NRAP: variants seen among roughly 807,000 people sequenced by gnomAD.
NRAP encodes the protein nebulin related anchoring protein.
A neutral mutation model predicts 225.9 loss-of-function variants in NRAP; 189 were observed. That is an observed-to-expected ratio of 0.84 (90% CI 0.74 to 0.94). The LOEUF (loss-of-function observed/expected upper bound fraction) is 0.94, where lower values mean the gene tolerates loss of function less well. NRAP is among the 40% of genes least tolerant of loss of function. The pLI is 0.00. For missense variants in NRAP, 2,176 were observed against 2,168.7 expected, an observed-to-expected ratio of 1.00 and a Z score of -0.07; for synonymous variants, 769 against 790.7, an observed-to-expected ratio of 0.97 and a Z score of 0.46.
chr10:113,623,912 G>A (rs1166856154), intron 22 of NRAP, among the ~76,000 whole-genome samples: 1 of 152,108 alleles, frequency 6.6e-6, no homozygotes, highest in African/African-American at 2.4e-5. Flanking sequence ...TCAAAAACAT[G>A]CCAAAGGCAG....
At chr10:113,639,091 CAAAAAAAAAAAAAAAA>C (rs60509891) in intron 14 of NRAP, among the ~76,000 whole-genome samples, 2 of 115,802 alleles carry the variant, frequency 1.7e-5, no homozygotes, top group East Asian at 4.8e-4. Context: ...ATGTATATAG[CAAAAAAAAAAAAAAAA>C]AAAAAAAAAT....
intron 37 of NRAP, 131 bp from the exon 38 acceptor site, chr10:113,595,858 C>T (rs1846260932): frequency 3.6e-6 from 2 of 555,230 alleles, no homozygotes; most frequent in Admixed American, 3.3e-5. Flanking sequence ...CAGTCCTGCC[C>T]ATGGACAGTG....
intron 29 of NRAP, among the ~76,000 whole-genome samples, chr10:113,613,382 C>A (rs1847447443): frequency 6.6e-6 from 1 of 152,144 alleles, no homozygotes; most frequent in Admixed American, 6.5e-5. Flanking sequence ...ATGTAGCTGA[C>A]CTTGGACAAG....
chr10:113,636,501 C>A (rs1404346527), intron 14 of NRAP, among the ~76,000 whole-genome samples: 2 of 152,136 alleles, frequency 1.3e-5, no homozygotes, highest in Admixed American at 6.5e-5. Context: ...GGTACAAGTC[C>A]AATGCTTGGC....
In NRAP at chr10:113,631,598, CT is replaced by C; in HGVS notation, c.1752del (p.Glu585LysfsTer27). Reference sequence around the variant, plus strand: ...TTGCCTTTTGTCTTTTCATATTCTTCTTTATATTTAATCTTGAGAGAAAGAA... The same window carrying C: ...TTGCCTTTTGTCTTTTCATATTCTTCTTATATTTAATCTTGAGAGAAAGAA... ...SGELASNIKY[K>X]EEYEKTKGKA... is the part of the protein sequence containing the mutation. On this transcript the variant is annotated frameshift_variant, in exon 18 of 42. Coordinates refer to ENST00000359988, the MANE Select transcript of NRAP (RefSeq NM_198060.4). LOFTEE classifies it high-confidence loss of function. The C allele has an allele frequency of 6.2e-7, 1 of 1,605,174 alleles. No homozygotes were observed.
chr10:113,606,891 C>A (rs1454148686), intron 32 of NRAP, among the ~76,000 whole-genome samples: 1 of 151,866 alleles, frequency 6.6e-6, no homozygotes, highest in African/African-American at 2.4e-5. Flanking sequence ...CATGGTGAAA[C>A]CTCGTCTCTA....
In NRAP at chr10:113,652,929, A is replaced by T; in HGVS notation, c.570+6T>A. 6 of 1,602,282 alleles carry T rather than the reference A, an allele frequency of 3.7e-6. No homozygotes were observed. The highest frequency in any genetic ancestry group is 5.1e-6 in the Non-Finnish European group (6 of 1,171,988). On this transcript the variant is annotated splice_donor_region_variant and intron_variant, in intron 6 of 41. Coordinates refer to ENST00000359988, the MANE Select transcript of NRAP (RefSeq NM_198060.4). ...ATCAATGGTGAAAAAGCACCCAGGC[A>T]CTCACTTGGCTGGCCAGCTGGTTGG...
In NRAP at chr10:113,626,038, A is replaced by G. The variant is rs1202921766; in HGVS notation, c.2244+9T>C. 1 of 1,600,762 alleles carries G rather than the reference A, an allele frequency of 6.2e-7. No individual in the cohort carries two copies. Among genetic ancestry groups the G allele is most frequent in the Non-Finnish European group, 8.5e-7 (1 of 1,172,712 alleles). ...CAGCTTGGTGGAGAAAGGGCAGCCCAGGACTCACCCCGCTCTGTAGCTCCT... is the reference window on the plus strand; with the variant it reads ...CAGCTTGGTGGAGAAAGGGCAGCCCGGGACTCACCCCGCTCTGTAGCTCCT... On this transcript the variant is annotated intron_variant, in intron 21 of 41. Transcript: ENST00000359988.
rs753386195 is a variant in NRAP, at chr10:113,650,028, A to G, written c.888+9T>C. Reference sequence around the variant, plus strand: ...AAAGAGCAGGTCAGGAGATCATTTTATCACATACCTGGCCATATTGGTCTG... The same window carrying G: ...AAAGAGCAGGTCAGGAGATCATTTTGTCACATACCTGGCCATATTGGTCTG... On this transcript the variant is annotated intron_variant, in intron 9 of 41. Transcript: ENST00000359988. 1.7e-5 allele frequency: 25 copies of G among 1,507,240 alleles called. No homozygotes were observed. The South Asian group carries it at 1.8e-4, about 11-fold the overall frequency. 93.4% of individuals were successfully genotyped at this position (1,507,240 alleles called of 1,614,324 possible).
At position 113,641,272 on chromosome 10, in the gene NRAP, AT is replaced by A. The variant is rs5788038; in HGVS notation, c.1323+92del. The A allele has an allele frequency of 0.89, 644,167 of 726,570 alleles. 286,050 individuals are homozygous for A. The highest frequency in any genetic ancestry group is 0.91 in the Admixed American group (34,014 of 37,432). 45.0% of individuals were successfully genotyped at this position (726,570 alleles called of 1,614,324 possible). On this transcript the variant is annotated intron_variant, in intron 13 of 41. Coordinates refer to ENST00000359988, the MANE Select transcript of NRAP (RefSeq NM_198060.4). ...ACACAGTCTTTAAAATAGAAGACAG[AT>A]TTTTTTTTAAGGGGAATTTAAAAAG... is the stretch of plus-strand genomic sequence containing the variant.
intron 36 of NRAP, among the ~76,000 whole-genome samples, 154 bp downstream of exon 36, chr10:113,597,815 G>A (rs553008326): frequency 1.3e-5 from 2 of 152,320 alleles, no homozygotes; most frequent in East Asian, 3.9e-4. Flanking sequence ...ACCTCATTCT[G>A]TCTTGGGATT....
At chr10:113,611,628 A>G (rs2133930872) in intron 30 of NRAP, among the ~76,000 whole-genome samples, 1 of 152,290 alleles carries the variant, frequency 6.6e-6, no homozygotes, top group Admixed American at 6.5e-5. Flanking sequence ...AAAGGGACCC[A>G]AGGAGGGTCT....
chr10:113,658,165 C>T (rs569986195), intron 3 of NRAP, among the ~76,000 whole-genome samples: 9 of 152,244 alleles, frequency 5.9e-5, no homozygotes, highest in East Asian at 1.9e-4. Context: ...TGACCATATA[C>T]GTGCAGCCCT....
intron 12 of NRAP, among the ~76,000 whole-genome samples, chr10:113,642,453 A>G (rs1849259888): frequency 6.6e-6 from 1 of 152,178 alleles, no homozygotes; most frequent in African/African-American, 2.4e-5. Flanking sequence ...ATGAGGATAC[A>G]TCTTCAGACC....
At chr10:113,661,785 C>A (rs76738457) in intron 3 of NRAP, among the ~76,000 whole-genome samples, 1,886 of 152,318 alleles carry the variant, frequency 0.012, 18 homozygotes, top group Non-Finnish European at 0.02. Context: ...AGGAAAACAT[C>A]TTTGACTTAT....
In NRAP at chr10:113,589,079, G is replaced by A. The variant is rs576729792; in HGVS notation, c.5089C>T (p.Arg1697Trp). The A allele has an allele frequency of 2.9e-5, 47 of 1,612,828 alleles. 1 individual carries two copies. The Middle Eastern group carries it at 1.2e-3, about 40-fold the overall frequency. The change falls in exon 42 of 42, where the codon CGG becomes TGG. Residue 1697 changes from arginine to tryptophan, a missense_variant and splice_region_variant. Physicochemically the swap from Arg to Trp is moderately radical, Grantham distance 101. Around this residue, in one of 3 missense-constraint regions of NRAP, gnomAD observed 445 missense variants for 426.1 expected, o/e 1.04. Transcript: ENST00000359988. ...CCAGCCTCCACTGCTTCTGCCCCCC[G>A]CTGCTGAAATCAAACATACCCCAAG... ...ARGLGLQGAYRGAEAVEAGDH... is the reference protein window; with the variant it reads ...ARGLGLQGAYWGAEAVEAGDH...
chr10:113,643,220 A>G (rs1200725291), intron 11 of NRAP, among the ~76,000 whole-genome samples, 182 bp from the exon 12 acceptor site: 1 of 152,236 alleles, frequency 6.6e-6, no homozygotes, highest in Admixed American at 6.5e-5. Context: ...CATAATAAAT[A>G]GCAAATAATT....
At position 113,631,559 on chromosome 10, in the gene NRAP, C is replaced by A. The variant is rs1339673413; in HGVS notation, c.1792G>T (p.Ala598Ser). ...AGGGAGTGCAGAAGCCTAGAGTCGG[C>A]TGTTCCCATGGCTTTGCCTTTTGTC... Reference protein sequence around the residue: ...EKTKGKAMGTADSRLLHSLQI... With the variant: ...EKTKGKAMGTSDSRLLHSLQI... Residue 598 changes from alanine to serine, a missense_variant, in exon 18 of 42, where the codon GCC (alanine) becomes TCC (serine). By Grantham distance (99) the Ala-to-Ser change is moderately conservative (BLOSUM62 1). Around this residue, in one of 3 missense-constraint regions of NRAP, gnomAD observed 1,708 missense variants for 1,695.5 expected, o/e 1.01. Coordinates refer to ENST00000359988, the MANE Select transcript of NRAP (RefSeq NM_198060.4). The A allele has an allele frequency of 1.9e-6, 3 of 1,613,474 alleles. No individual in the cohort carries two copies. The highest frequency in any genetic ancestry group is 2.5e-6 in the Non-Finnish European group (3 of 1,179,602).
At chr10:113,595,751 T>A (rs779251012) in intron 37 of NRAP, 24 bp from the exon 38 acceptor site, 1 of 1,495,508 alleles carries the variant, frequency 6.7e-7, no homozygotes, top group South Asian at 1.1e-5. Context: ...GGGCTCATGG[T>A]AAATAGAGAA....
Sources: allele counts gnomAD v4.1 joint callset (sites outside exome capture counted in the v4.1 genomes callset), GRCh38; gene constraint gnomAD v4.1.1; regional missense constraint gnomAD v4.1.1; transcripts MANE v1.5; gene names NCBI Gene and HGNC (gene_info 2026-07-23, HGNC 2026-07-21).